The following ODAD2 variants were observed in gnomAD, a reference collection of about 807,000 sequenced individuals.
The protein encoded by ODAD2 is outer dynein arm-docking complex subunit 2.
In ODAD2, 89 loss-of-function variants were observed where a neutral mutation model predicts 106.8. The observed-to-expected ratio is 0.83, with a 90% CI of 0.70 to 0.99. The LOEUF is 0.99. ODAD2 is among the 50% of genes least tolerant of loss of function. ODAD2 has a pLI of 0.00. For missense variants in ODAD2, 1,168 were observed against 1,238.5 expected (o/e 0.94, Z 0.85); for synonymous variants, 404 against 436.2 (o/e 0.93, Z 0.92).
chr10:27,812,373 C>CATTTTCA lies in ODAD2; in HGVS notation c.*132_*138dup. On this transcript the variant is annotated 3_prime_UTR_variant, in exon 20 of 20. Transcript: ENST00000305242. ...ATTTTCAGATGAAAAACATTCTGTG[C>CATTTTCA]ATTTTCAATTTGTGTGTTTTCATTT... 1 of 716,580 alleles carries CATTTTCA rather than the reference C, an allele frequency of 1.4e-6. No individual in the cohort carries two copies. The highest frequency in any genetic ancestry group is 2.2e-6 in the Non-Finnish European group (1 of 447,284). 44.4% of individuals were successfully genotyped at this position (716,580 alleles called of 1,614,324 possible).
chr10:27,925,101 T>G (rs997856008), intron 16 of ODAD2, among the ~76,000 whole-genome samples: 2 of 151,574 alleles, frequency 1.3e-5, no homozygotes, highest in African/African-American at 4.8e-5. Flanking sequence ...CAGACCAATA[T>G]CACTCATGAA....
chr10:27,828,071 A>C (rs932711818), intron 19 of ODAD2, among the ~76,000 whole-genome samples: 7 of 152,214 alleles, frequency 4.6e-5, no homozygotes, highest in Admixed American at 4.6e-4. Flanking sequence ...GGGGATGTCA[A>C]TATTATAGTA....
intron 17 of ODAD2, among the ~76,000 whole-genome samples, chr10:27,886,584 G>C (rs918703786): frequency 4.6e-4 from 70 of 151,900 alleles, no homozygotes; most frequent in African/African-American, 1.6e-3. Flanking sequence ...AAAGTTCTTT[G>C]GTAAAAATAA....
intron 10 of ODAD2, among the ~76,000 whole-genome samples, chr10:27,953,240 G>C (rs571167477): frequency 1.6e-3 from 245 of 152,222 alleles, no homozygotes; most frequent in African/African-American, 5.7e-3. Context: ...GTATTATGTT[G>C]TACAGCAGAT....
chr10:27,840,044 TG>T (rs1420677725), intron 19 of ODAD2, among the ~76,000 whole-genome samples: 3 of 152,326 alleles, frequency 2.0e-5, no homozygotes, highest in Non-Finnish European at 4.4e-5. Flanking sequence ...TCACAAAGCT[TG>T]CCTTATGAAA....
chr10:27,836,196 A>C (rs1224489657), intron 19 of ODAD2: 2 of 152,184 alleles, frequency 1.3e-5, no homozygotes, highest in African/African-American at 4.8e-5. Context: ...AGTTGAATAC[A>C]TATGCATGTA....
At chr10:27,900,035 A>T (rs901535813) in intron 17 of ODAD2, among the ~76,000 whole-genome samples, 1 of 152,166 alleles carries the variant, frequency 6.6e-6, no homozygotes, top group African/African-American at 2.4e-5. Flanking sequence ...ACCTCCCAGC[A>T]GGGGTGGACA....
At chr10:27,902,910 G>C (rs1843313234) in intron 17 of ODAD2, among the ~76,000 whole-genome samples, 1 of 151,984 alleles carries the variant, frequency 6.6e-6, no homozygotes, top group Admixed American at 6.6e-5. Flanking sequence ...ACCATTCCAA[G>C]CAACAGAAAA....
chr10:27,863,524 T>C (rs1358737426), intron 17 of ODAD2, among the ~76,000 whole-genome samples: 4 of 152,206 alleles, frequency 2.6e-5, no homozygotes, highest in African/African-American at 9.6e-5. Context: ...GTAGGCAAAT[T>C]CCCAAGGAGA....
At chr10:27,925,199 C>A (rs1199658272) in intron 16 of ODAD2, among the ~76,000 whole-genome samples, 1 of 151,938 alleles carries the variant, frequency 6.6e-6, no homozygotes, top group African/African-American at 2.4e-5. Context: ...GAGACTTATT[C>A]CAGGAATGCA....
chr10:27,925,964 C>A lies in ODAD2; in HGVS notation c.2495+9046G>T, dbSNP rs182867167. 2.7e-5 allele frequency among the ~76,000 whole-genome samples: 4 copies of A among 149,638 alleles called. No homozygotes were observed. In the East Asian group the frequency reaches 7.9e-4, roughly 30 times the overall value. On this transcript the variant is annotated intron_variant, in intron 16 of 19. Transcript: ENST00000305242. ...AGGGTTGCAGTGAGCCAAGATGGTG[C>A]CACTGCACTCCAACCTGGGTGACAG...
intron 19 of ODAD2, among the ~76,000 whole-genome samples, chr10:27,820,293 G>A (rs1836498898): frequency 6.6e-6 from 1 of 151,828 alleles, no homozygotes; most frequent in African/African-American, 2.4e-5. Flanking sequence ...CCTGCGTTTC[G>A]CCCATCCTCC....
At chr10:27,918,008 T>C (rs1844515682) in intron 16 of ODAD2, among the ~76,000 whole-genome samples, 2 of 151,936 alleles carry the variant, frequency 1.3e-5, no homozygotes, top group East Asian at 1.9e-4. Context: ...TTTAAATAAA[T>C]TGAATTTGTA....
intron 17 of ODAD2, among the ~76,000 whole-genome samples, chr10:27,887,089 A>C (rs1332111060): frequency 6.6e-6 from 1 of 152,046 alleles, no homozygotes; most frequent in Non-Finnish European, 1.5e-5. Flanking sequence ...TTTTAAAAAA[A>C]CAATTCTACA....
In ODAD2 at chr10:27,979,572, T is replaced by C. The variant is rs545870250; in HGVS notation, c.936+1894A>G. On this transcript the variant is annotated intron_variant, in intron 7 of 19. Coordinates refer to ENST00000305242, the MANE Select transcript of ODAD2 (RefSeq NM_018076.5). Reference sequence around the variant, plus strand: ...ACTCAAAAGCTGTATTTCTATACACTAGCAGTGAATAATTGAAAATAAAAT... The same window carrying C: ...ACTCAAAAGCTGTATTTCTATACACCAGCAGTGAATAATTGAAAATAAAAT... Among the ~76,000 whole-genome samples, 28 of 152,162 alleles carry C rather than the reference T, an allele frequency of 1.8e-4. 1 individual carries two copies. The South Asian group carries it at 5.2e-3, about 28-fold the overall frequency.
At chr10:27,984,161 A>T (rs1345087795) in intron 5 of ODAD2, 23 bp downstream of exon 5, 1 of 1,562,820 alleles carries the variant, frequency 6.4e-7, no homozygotes, top group Non-Finnish European at 8.8e-7. Flanking sequence ...ATAACATAAA[A>T]TGAGCCTGAG....
intron 17 of ODAD2, among the ~76,000 whole-genome samples, chr10:27,869,852 G>A (rs1840730736): frequency 6.6e-6 from 1 of 152,062 alleles, no homozygotes; most frequent in Non-Finnish European, 1.5e-5. Context: ...TCACTTCTAA[G>A]GGAAAGAATA....
At chr10:27,815,676 AT>A (rs1836073974) in intron 19 of ODAD2, among the ~76,000 whole-genome samples, 1 of 152,134 alleles carries the variant, frequency 6.6e-6, no homozygotes, top group Non-Finnish European at 1.5e-5. Context: ...ATCTTCATCC[AT>A]GGCTCTGTCT....
At chr10:27,891,251 C>A (rs937957258) in intron 17 of ODAD2, among the ~76,000 whole-genome samples, 2 of 152,340 alleles carry the variant, frequency 1.3e-5, no homozygotes, top group African/African-American at 4.8e-5. Context: ...ATTACCCAAG[C>A]ATGTATCCCA....
Sources: gnomAD v4.1 joint callset for allele counts (sites outside exome capture counted in the v4.1 genomes callset) on GRCh38, gnomAD v4.1.1 for gene constraint, MANE v1.5 for transcripts, NCBI Gene and HGNC (gene_info 2026-07-23, HGNC 2026-07-21) for gene names.